Variants in IRAG2 observed in about 807,000 individuals in gnomAD.
IRAG2 encodes lymphoid restricted membrane protein.
A neutral mutation model predicts 69.9 loss-of-function variants in IRAG2; 45 were observed. The observed-to-expected ratio is 0.64, with a 90% CI of 0.51 to 0.83. The LOEUF (loss-of-function observed/expected upper bound fraction) is 0.83. Ranked by LOEUF, IRAG2 falls within the 40% of genes least tolerant of loss-of-function variation. IRAG2 has a pLI of 0.00. For synonymous variants in IRAG2, 193 were observed against 202.4 expected, an observed-to-expected ratio of 0.95 and a Z score of 0.40; for missense variants, 520 against 587.0, an observed-to-expected ratio of 0.89 and a Z score of 1.18.
chr12:25,002,948 T>G (rs1263106914), upstream of IRAG2, among the ~76,000 whole-genome samples: 1 of 152,100 alleles, frequency 6.6e-6, no homozygotes, highest in African/African-American at 2.4e-5. Flanking sequence ...AGCCAAGAGA[T>G]CATTCTTGAA....
chr12:25,079,359 A>G (rs1252244509), intron 7 of IRAG2, 39 bp from the exon 8 acceptor site: 1 of 1,609,550 alleles, frequency 6.2e-7, no homozygotes, highest in Non-Finnish European at 8.5e-7. Context: ...AATTATTTGG[A>G]CCTGACATTC....
intron 1 of IRAG2, chr12:25,004,925 C>T: frequency 8.2e-7 from 1 of 1,223,594 alleles, no homozygotes; most frequent in Non-Finnish European, 1.0e-6. Context: ...GGTAAATATT[C>T]ATCTTTTAAT....
intron 13 of IRAG2, 114 bp downstream of exon 13, chr12:25,089,904 C>T: frequency 5.3e-6 from 7 of 1,322,054 alleles, no homozygotes; most frequent in Admixed American, 1.7e-5. Context: ...TTTGGCTTGG[C>T]TGTGACTCAG....
intron 3 of IRAG2, among the ~76,000 whole-genome samples, chr12:25,012,783 G>A (rs1944487267): frequency 2.0e-5 from 3 of 152,118 alleles, no homozygotes; most frequent in Admixed American, 1.3e-4. Flanking sequence ...AGCCGAGATC[G>A]TGCCATAGCA....
chr12:25,091,663 T>TA (rs2140177606), intron 14 of IRAG2, among the ~76,000 whole-genome samples: 7 of 152,318 alleles, frequency 4.6e-5, no homozygotes, highest in Middle Eastern at 3.4e-3. Flanking sequence ...ATTATATTTT[T>TA]AATTTTTTAG....
intron 8 of IRAG2, among the ~76,000 whole-genome samples, chr12:25,026,169 AC>A (rs991426041): frequency 1.3e-5 from 2 of 152,146 alleles, no homozygotes; most frequent in African/African-American, 4.8e-5. Flanking sequence ...ATAGTTTGCC[AC>A]CCCCTGATTT....
chr12:25,035,976 A>G (rs1396851922), intron 14 of IRAG2, among the ~76,000 whole-genome samples: 1 of 152,222 alleles, frequency 6.6e-6, no homozygotes. Context: ...TGGGTCAATC[A>G]GGGCTAACAG....
chr12:25,092,092 C>T (rs1330631852), intron 14 of IRAG2, among the ~76,000 whole-genome samples: 1 of 151,474 alleles, frequency 6.6e-6, no homozygotes, highest in Non-Finnish European at 1.5e-5. Context: ...TGGCGAAACA[C>T]CATCTCTACT....
chr12:25,042,017 ACT>A (rs1201083453), intron 16 of IRAG2, among the ~76,000 whole-genome samples: 1 of 151,712 alleles, frequency 6.6e-6, no homozygotes, highest in Non-Finnish European at 1.5e-5. Flanking sequence ...TTGTTTGTAT[ACT>A]GAGTTGAAAT....
At chr12:25,053,633 A>T (rs2139895079) in intron 1 of IRAG2, among the ~76,000 whole-genome samples, 1 of 152,134 alleles carries the variant, frequency 6.6e-6, no homozygotes, top group East Asian at 1.9e-4. Context: ...CATTCTAGAA[A>T]CCTAATATGG....
chr12:25,063,429 A>C (rs556513514), intron 3 of IRAG2, among the ~76,000 whole-genome samples: 36 of 152,268 alleles, frequency 2.4e-4, no homozygotes, highest in African/African-American at 8.4e-4. Flanking sequence ...TCTTTCCTCA[A>C]AGCCTTTGTT....
At chr12:25,060,462 C>T (rs1382723614) in intron 1 of IRAG2, among the ~76,000 whole-genome samples, 1 of 151,920 alleles carries the variant, frequency 6.6e-6, no homozygotes, top group Non-Finnish European at 1.5e-5. Flanking sequence ...CTGAGTTAAG[C>T]TCTGTTCCAT....
intron 4 of IRAG2, among the ~76,000 whole-genome samples, chr12:25,065,984 C>CA (rs1247718802): frequency 1.3e-5 from 2 of 152,078 alleles, no homozygotes; most frequent in Non-Finnish European, 2.9e-5. Context: ...TGAAACTTTA[C>CA]AAAAACAGGC....
At chr12:25,023,634 C>T (rs1214729569) in intron 7 of IRAG2, among the ~76,000 whole-genome samples, 2 of 152,198 alleles carry the variant, frequency 1.3e-5, no homozygotes, top group Non-Finnish European at 2.9e-5. Flanking sequence ...TTTGTCTTTT[C>T]CTCCCTAACA....
intron 4 of IRAG2, among the ~76,000 whole-genome samples, chr12:25,064,786 G>A (rs774600876): frequency 5.3e-5 from 8 of 152,060 alleles, no homozygotes; most frequent in Non-Finnish European, 1.0e-4. Flanking sequence ...CCAACAGTGG[G>A]AGTACTTAAA....
At chr12:25,073,281 A>C (rs902478557) in intron 6 of IRAG2, among the ~76,000 whole-genome samples, 2 of 152,240 alleles carry the variant, frequency 1.3e-5, no homozygotes, top group African/African-American at 4.8e-5. Context: ...ATTGCTGGAC[A>C]GTACCTTTAT....
intron 14 of IRAG2, chr12:25,090,845 C>CA: frequency 2.2e-6 from 1 of 453,668 alleles, no homozygotes. Context: ...GAAAACTGAG[C>CA]AATAGGAAAT....
At chr12:25,022,720 G>A (rs1269450882) in intron 7 of IRAG2, among the ~76,000 whole-genome samples, 1 of 152,186 alleles carries the variant, frequency 6.6e-6, no homozygotes, top group Admixed American at 6.5e-5. Flanking sequence ...AAAGTCAATT[G>A]TCTAATAAAT....
At chr12:25,101,590 T>G (rs1246219441) in intron 16 of IRAG2, among the ~76,000 whole-genome samples, 1 of 152,228 alleles carries the variant, frequency 6.6e-6, no homozygotes, top group African/African-American at 2.4e-5. Flanking sequence ...ATCCAACTCA[T>G]GAAGTTGACC....
Sources: allele counts gnomAD v4.1 joint callset (sites outside exome capture counted in the v4.1 genomes callset), GRCh38; gene constraint gnomAD v4.1.1; transcripts MANE v1.5; gene names NCBI Gene and HGNC (gene_info 2026-07-23, HGNC 2026-07-21).